BCAS3: variants seen among roughly 807,000 people sequenced by gnomAD.
BCAS3 encodes the protein BCAS3 microtubule associated cell migration factor, also known as BCAS4/BCAS3 fusion.
Under a neutral mutation model 116.1 loss-of-function variants are expected in BCAS3, and 53 were observed. That is an observed-to-expected ratio of 0.46 (90% CI 0.37 to 0.57). BCAS3 has a LOEUF of 0.57. Among genes scored for constraint, BCAS3 ranks in the 20% least tolerant of loss-of-function variants. The pLI, the probability that BCAS3 is intolerant of heterozygous loss-of-function variation, is 0.00. For synonymous variants in BCAS3, 391 were observed against 408.2 expected, an observed-to-expected ratio of 0.96 and a Z score of 0.51; for missense variants, 917 against 1,165.4, an observed-to-expected ratio of 0.79 and a Z score of 3.10.
intron 9 of BCAS3, among the ~76,000 whole-genome samples, chr17:60,878,117 C>T (rs930701064): frequency 4.0e-5 from 6 of 150,806 alleles, no homozygotes; most frequent in African/African-American, 1.5e-4. Context: ...TCAAGCAGTT[C>T]TCCTGCCTCA....
intron 22 of BCAS3, among the ~76,000 whole-genome samples, chr17:61,194,507 G>A (rs1414527040): frequency 6.6e-6 from 1 of 152,132 alleles, no homozygotes; most frequent in East Asian, 1.9e-4. Context: ...GGGAGGCCAA[G>A]GCGGGTGGAT....
chr17:60,701,582 A>G (rs2036395462), intron 4 of BCAS3, among the ~76,000 whole-genome samples: 1 of 152,200 alleles, frequency 6.6e-6, no homozygotes, highest in African/African-American at 2.4e-5. Context: ...TAGCCTAGAA[A>G]CATCAAAAAA....
intron 15 of BCAS3, among the ~76,000 whole-genome samples, chr17:61,009,638 T>C (rs2064972587): frequency 6.6e-6 from 1 of 152,100 alleles, no homozygotes; most frequent in South Asian, 2.1e-4. Context: ...TTATTTTCCC[T>C]CTTCTTGTTT....
intron 23 of BCAS3, among the ~76,000 whole-genome samples, chr17:61,373,808 G>GTTT (rs1169897447): frequency 3.0e-5 from 3 of 101,240 alleles, no homozygotes; most frequent in Admixed American, 1.4e-4. Flanking sequence ...CTTCTTCTTT[G>GTTT]TTTTTTTTTT....
At chr17:61,069,711 G>A (rs971563074) in intron 19 of BCAS3, 13 of 553,206 alleles carry the variant, frequency 2.3e-5, no homozygotes, top group Middle Eastern at 4.9e-4. Flanking sequence ...GGTGGCGCAC[G>A]CCTGTAATCC....
chr17:61,109,926 C>G (rs1713878257), intron 22 of BCAS3, among the ~76,000 whole-genome samples: 1 of 152,184 alleles, frequency 6.6e-6, no homozygotes. Flanking sequence ...TTTTGCTGTG[C>G]AGAAGCTTTT....
chr17:60,913,674 A>C (rs767887537), intron 12 of BCAS3, among the ~76,000 whole-genome samples: 1 of 152,142 alleles, frequency 6.6e-6, no homozygotes, highest in Admixed American at 6.5e-5. Context: ...CGAAAAGCTG[A>C]TAATACATTG....
At chr17:60,901,072 G>A (rs775805751) in intron 10 of BCAS3, among the ~76,000 whole-genome samples, 4 of 151,996 alleles carry the variant, frequency 2.6e-5, no homozygotes, top group Non-Finnish European at 5.9e-5. Context: ...AAATCCAGGC[G>A]TGGTGGCATG....
intron 6 of BCAS3, among the ~76,000 whole-genome samples, chr17:60,780,794 G>C (rs957187326): frequency 6.6e-6 from 1 of 152,022 alleles, no homozygotes; most frequent in East Asian, 1.9e-4. Context: ...TCCAGGCTGA[G>C]GTCCTTTTTA....
intron 22 of BCAS3, among the ~76,000 whole-genome samples, chr17:61,149,308 G>C (rs1317307133): frequency 6.6e-6 from 1 of 151,892 alleles, no homozygotes; most frequent in Non-Finnish European, 1.5e-5. Flanking sequence ...GTAAAAAGCT[G>C]GTTCCATAGC....
At chr17:60,813,944 T>C (rs557465205) in intron 7 of BCAS3, among the ~76,000 whole-genome samples, 3 of 152,330 alleles carry the variant, frequency 2.0e-5, no homozygotes, top group South Asian at 4.2e-4. Flanking sequence ...TATAGTATAG[T>C]TTGAAGTCAG....
intron 22 of BCAS3, among the ~76,000 whole-genome samples, chr17:61,110,447 G>A (rs1346175265): frequency 3.3e-5 from 5 of 152,236 alleles, no homozygotes; most frequent in Non-Finnish European, 7.3e-5. Context: ...CAAGGGGTCA[G>A]GGAGTTCCCT....
chr17:61,242,136 C>T (rs575320701), intron 22 of BCAS3, among the ~76,000 whole-genome samples: 37 of 152,152 alleles, frequency 2.4e-4, no homozygotes, highest in South Asian at 8.3e-4. Flanking sequence ...ATTAACTGGG[C>T]GTGGTGGCGC....
intron 22 of BCAS3, among the ~76,000 whole-genome samples, chr17:61,321,165 T>G (rs1398865444): frequency 6.6e-6 from 1 of 152,162 alleles, no homozygotes; most frequent in Admixed American, 6.5e-5. Flanking sequence ...ACTAAAAATA[T>G]ATCTCCAGCT....
At chr17:61,182,527 A>G (rs920389709) in intron 22 of BCAS3, among the ~76,000 whole-genome samples, 1 of 152,208 alleles carries the variant, frequency 6.6e-6, no homozygotes, top group Middle Eastern at 3.2e-3. Context: ...GGTATAATTT[A>G]CATACAATAC....
chr17:60,830,094 C>T (rs987112109), intron 7 of BCAS3, among the ~76,000 whole-genome samples: 18 of 152,228 alleles, frequency 1.2e-4, no homozygotes, highest in African/African-American at 3.6e-4. Flanking sequence ...TGGGTTCAAG[C>T]GATTCTCCTG....
chr17:61,043,020 T>C (rs2067673949), intron 19 of BCAS3, among the ~76,000 whole-genome samples: 1 of 151,388 alleles, frequency 6.6e-6, no homozygotes, highest in Admixed American at 6.6e-5. Flanking sequence ...ATTAATGCTG[T>C]ATTACAGAGA....
chr17:60,704,476 T>C (rs2036854655), intron 4 of BCAS3, among the ~76,000 whole-genome samples: 1 of 152,204 alleles, frequency 6.6e-6, no homozygotes, highest in African/African-American at 2.4e-5. Flanking sequence ...GAACCCTTTT[T>C]CTGGATTGAC....
At chr17:60,687,508 A>G (rs1341923868) in intron 3 of BCAS3, among the ~76,000 whole-genome samples, 2 of 152,158 alleles carry the variant, frequency 1.3e-5, no homozygotes, top group Admixed American at 6.5e-5. Flanking sequence ...GGAGGCTGAC[A>G]TGGGTGGACC....
Sources: gnomAD v4.1 joint callset for allele counts (sites outside exome capture counted in the v4.1 genomes callset) on GRCh38, gnomAD v4.1.1 for gene constraint, MANE v1.5 for transcripts, NCBI Gene and HGNC (gene_info 2026-07-23, HGNC 2026-07-21) for gene names.